Variants in ZMYM2 observed in about 807,000 individuals in gnomAD.
The protein encoded by ZMYM2 is zinc finger MYM-type protein 2.
In ZMYM2, 56 loss-of-function variants were observed where a neutral mutation model predicts 162.8. The observed-to-expected ratio is 0.34, with a 90% CI of 0.28 to 0.43. The LOEUF (loss-of-function observed/expected upper bound fraction) is 0.43. Ranked by LOEUF, ZMYM2 falls within the 20% of genes least tolerant of loss-of-function variation. The pLI is 1.00. For synonymous variants in ZMYM2, 510 were observed against 541.6 expected (o/e 0.94, Z 0.81); for missense variants, 1,275 against 1,621.8 (o/e 0.79, Z 3.67).
the ZMYM2 span, among the ~76,000 whole-genome samples, chr13:19,926,774 C>T: frequency 6.6e-6 from 1 of 152,136 alleles, no homozygotes; most frequent in Non-Finnish European, 1.5e-5. Context: ...CTCAAGTGAT[C>T]CTCCCATCTC....
the ZMYM2 span, among the ~76,000 whole-genome samples, chr13:19,920,903 C>A: frequency 6.6e-6 from 1 of 151,916 alleles, no homozygotes; most frequent in East Asian, 1.9e-4. Context: ...GCTGGGATTA[C>A]AGGTGCATGC....
intron 8 of ZMYM2, 91 bp downstream of exon 8, chr13:20,026,853 T>C: frequency 7.6e-7 from 1 of 1,318,014 alleles, no homozygotes; most frequent in Non-Finnish European, 1.0e-6. Context: ...TGCTTGTTTT[T>C]AACAGCTTTT....
the ZMYM2 span, among the ~76,000 whole-genome samples, chr13:19,909,079 C>T: frequency 6.6e-6 from 1 of 152,072 alleles, no homozygotes; most frequent in Admixed American, 6.6e-5. Context: ...TGGATTTTAA[C>T]GTTCGTTTTT....
At chr13:20,030,740 A>G (rs1234589711) in intron 9 of ZMYM2, among the ~76,000 whole-genome samples, 1 of 151,420 alleles carries the variant, frequency 6.6e-6, no homozygotes, top group Non-Finnish European at 1.5e-5. Flanking sequence ...TGCCATGTTG[A>G]CCAGGCTGGT....
At chr13:20,031,684 C>T (rs1341941174) in intron 10 of ZMYM2, among the ~76,000 whole-genome samples, 1 of 151,876 alleles carries the variant, frequency 6.6e-6, no homozygotes, top group East Asian at 1.9e-4. Flanking sequence ...TAATAGTGTA[C>T]AGAATGTCAC....
chr13:19,951,392 T>C, the ZMYM2 span, among the ~76,000 whole-genome samples: 1 of 151,832 alleles, frequency 6.6e-6, no homozygotes, highest in South Asian at 2.1e-4. Flanking sequence ...CAACCTGATT[T>C]AAAAATAGGC....
At chr13:19,988,071 T>C (rs2139644007) in intron 2 of ZMYM2, among the ~76,000 whole-genome samples, 1 of 152,366 alleles carries the variant, frequency 6.6e-6, no homozygotes. Flanking sequence ...CTTTACTGTC[T>C]TGGGACCTTG....
the ZMYM2 span, among the ~76,000 whole-genome samples, chr13:19,950,003 C>T: frequency 6.6e-6 from 1 of 151,334 alleles, no homozygotes; most frequent in Admixed American, 6.6e-5. Flanking sequence ...AAAGACGTGG[C>T]AGCTCACACC....
chr13:19,977,281 A>G (rs1241075409), intron 2 of ZMYM2, among the ~76,000 whole-genome samples: 1 of 152,092 alleles, frequency 6.6e-6, no homozygotes, highest in Non-Finnish European at 1.5e-5. Context: ...TTCGGCTCCC[A>G]AAGTGTTGGG....
chr13:20,060,713 A>C (rs555182988), intron 16 of ZMYM2, among the ~76,000 whole-genome samples: 1 of 152,280 alleles, frequency 6.6e-6, no homozygotes, highest in African/African-American at 2.4e-5. Context: ...TGAAGCCATA[A>C]GGTTTAGAAC....
At chr13:19,879,517 G>A in the ZMYM2 span, among the ~76,000 whole-genome samples, 1 of 152,172 alleles carries the variant, frequency 6.6e-6, no homozygotes, top group South Asian at 2.1e-4. Context: ...CTATGTGTCT[G>A]TTATGTCAGT....
At chr13:19,926,252 C>A in the ZMYM2 span, among the ~76,000 whole-genome samples, 1 of 151,276 alleles carries the variant, frequency 6.6e-6, no homozygotes, top group African/African-American at 2.4e-5. Context: ...TGAGTCACTG[C>A]GCCTGACCAA....
chr13:20,038,011 A>G (rs140655035), intron 12 of ZMYM2, among the ~76,000 whole-genome samples: 1 of 152,252 alleles, frequency 6.6e-6, no homozygotes, highest in African/African-American at 2.4e-5. Flanking sequence ...TGTTCTCATC[A>G]TTTAGCTCCC....
At chr13:19,937,188 G>A in the ZMYM2 span, among the ~76,000 whole-genome samples, 10 of 149,442 alleles carry the variant, frequency 6.7e-5, no homozygotes, top group African/African-American at 1.5e-4. Context: ...TGTTCTTGTC[G>A]CCCAGGCTGG....
chr13:20,083,080 G>A, intron 23 of ZMYM2, 48 bp downstream of exon 23: 2 of 1,482,952 alleles, frequency 1.3e-6, no homozygotes, highest in Non-Finnish European at 1.8e-6. Context: ...AATTTTTTTT[G>A]AGACAGAGTT....
intron 15 of ZMYM2, 81 bp downstream of exon 15, chr13:20,058,785 C>A (rs567278058): frequency 6.5e-7 from 1 of 1,535,650 alleles, no homozygotes; most frequent in Non-Finnish European, 8.9e-7. Context: ...TTGAATGACA[C>A]CTCCAGGATA....
At chr13:19,906,284 G>GTATACATA in the ZMYM2 span, among the ~76,000 whole-genome samples, 4 of 63,792 alleles carry the variant, frequency 6.3e-5, no homozygotes, top group Non-Finnish European at 8.3e-5. Context: ...TCAAAAAAAA[G>GTATACATA]TATATATATA....
intron 8 of ZMYM2, 57 bp from the exon 9 acceptor site, chr13:20,027,146 A>C (rs1952659343): frequency 1.5e-6 from 2 of 1,301,076 alleles, no homozygotes; most frequent in African/African-American, 3.0e-5. Flanking sequence ...TAGTTAAGAT[A>C]AAAAAACTTT....
intron 2 of ZMYM2, among the ~76,000 whole-genome samples, chr13:19,986,987 C>T (rs1306975972): frequency 6.6e-6 from 1 of 151,412 alleles, no homozygotes; most frequent in Non-Finnish European, 1.5e-5. Context: ...TGCCTGTAAT[C>T]CCAGCTACTC....
Sources: gnomAD v4.1 joint callset for allele counts (sites outside exome capture counted in the v4.1 genomes callset) on GRCh38, gnomAD v4.1.1 for gene constraint, MANE v1.5 for transcripts, NCBI Gene and HGNC (gene_info 2026-07-23, HGNC 2026-07-21) for gene names.